TUBG1: variants seen among roughly 807,000 people sequenced by gnomAD.
TUBG1 encodes the protein tubulin gamma-1 chain.
Under a neutral mutation model 53.3 loss-of-function variants are expected in TUBG1, and 22 were observed. The ratio of observed to expected loss-of-function variants is 0.41; its 90% CI spans 0.29 to 0.59. The LOEUF (loss-of-function observed/expected upper bound fraction) is 0.59, where lower values mean the gene tolerates loss of function less well. Ranked by LOEUF, TUBG1 falls within the 20% of genes least tolerant of loss-of-function variation. The pLI, the probability that TUBG1 is intolerant of heterozygous loss-of-function variation, is 0.26. For missense variants in TUBG1, 217 were observed against 598.9 expected, an observed-to-expected ratio of 0.36 and a Z score of 6.66; for synonymous variants, 198 against 236.7, an observed-to-expected ratio of 0.84 and a Z score of 1.50.
chr17:42,612,341 TG>T (rs1435420301), intron 4 of TUBG1, 85 bp from the exon 5 acceptor site: 11 of 1,483,022 alleles, frequency 7.4e-6, no homozygotes, highest in Non-Finnish European at 9.3e-6. Flanking sequence ...CTCGGGAAAA[TG>T]GGAGTCCTAA....
rs1417130857 is a variant in TUBG1 at position 42,609,702 on chromosome 17, G to C, written c.-36G>C. 12 of 1,540,004 alleles carry C rather than the reference G, an allele frequency of 7.8e-6. No individual in the cohort carries two copies. The highest frequency in any genetic ancestry group is 1.1e-5 in the Non-Finnish European group (12 of 1,141,938). On this transcript the variant is annotated 5_prime_UTR_variant, in exon 1 of 11. Coordinates refer to ENST00000251413, the MANE Select transcript of TUBG1 (RefSeq NM_001070.5). The stretch of plus-strand genomic sequence containing the variant: ...CGGGCTGGCGTGCGGCGCCGTTGCG[G>C]GCGGGAGCGGCTGCAACGCCGGTGC...
Position 42,614,912 on chromosome 17 carries a change from C to G in TUBG1, c.1227C>G (p.Arg409=), listed in dbSNP as rs2143456923. Residue 409 remains arginine, a synonymous_variant, in exon 11 of 11, where the codon CGC becomes CGG. Coordinates refer to ENST00000251413, the MANE Select transcript of TUBG1 (RefSeq NM_001070.5). This position sits in a 1 kb window ranked among gnomAD's most constrained non-coding sequence, Gnocchi z 5.1. ...GGGAGGCCTTCCTGGAGCAGTTCCG[C>G]AAGGAGGACATGTTCAAGGACAACT... ...RKREAFLEQF[R]KEDMFKDNFD... is the part of the protein sequence containing the mutation. 1.2e-6 allele frequency: 2 copies of G among 1,614,240 alleles called. No homozygotes were observed.
rs762762808 is a variant in TUBG1 at position 42,614,303 on chromosome 17, G to A, written c.887G>A (p.Arg296Gln). The change falls in exon 9 of 11, where the codon CGG becomes CAG. Residue 296 changes from arginine to glutamine, a missense_variant. This residue lies in a region of TUBG1 where 135 missense variants were observed against 371.2 expected (regional missense o/e 0.36). Transcript: ENST00000251413. This position sits in a 1 kb window ranked among gnomAD's most constrained non-coding sequence, Gnocchi z 5.1. ...ACCACGGTCCTGGATGTCATGAGGCGGCTGCTGCAGCCCAAGAACGTGATG... is the reference window on the plus strand; with the variant it reads ...ACCACGGTCCTGGATGTCATGAGGCAGCTGCTGCAGCCCAAGAACGTGATG... ...RKTTVLDVMR[R>Q]LLQPKNVMVS... 1.2e-6 allele frequency: 2 copies of A among 1,613,938 alleles called. No homozygotes were observed. Among genetic ancestry groups the A allele is most frequent in the Non-Finnish European group, 8.5e-7 (1 of 1,179,860 alleles).
intron 5 of TUBG1, 120 bp from the exon 6 acceptor site, chr17:42,612,827 G>A (rs1369205997): frequency 5.0e-6 from 7 of 1,397,088 alleles, no homozygotes; most frequent in Admixed American, 4.2e-5. Flanking sequence ...CTTCTCTACT[G>A]ATTTGACCCC....
chr17:42,614,642 C>G lies in TUBG1; in HGVS notation c.1143C>G (p.His381Gln). The G allele has an allele frequency of 6.2e-7, 1 of 1,614,044 alleles. No homozygotes were observed. Among genetic ancestry groups the G allele is most frequent in the South Asian group, 1.1e-5 (1 of 91,068 alleles). ...TCAGCGGGCTCATGATGGCCAACCA[C>G]ACCAGCATCTCCTCGGTGAGTCTCA... Reference protein sequence around the residue: ...HRVSGLMMANHTSISSLFERT... With the variant: ...HRVSGLMMANQTSISSLFERT... Residue 381 changes from histidine to glutamine, a missense_variant, in exon 10 of 11, where the codon CAC (histidine) becomes CAG (glutamine). His to Gln is a conservative substitution (Grantham distance 24). Transcript: ENST00000251413. This position sits in a 1 kb window ranked among gnomAD's most constrained non-coding sequence, Gnocchi z 5.1.
intron 1 of TUBG1, 22 bp downstream of exon 1, chr17:42,609,808 C>T: frequency 6.5e-7 from 1 of 1,550,106 alleles, no homozygotes; most frequent in Non-Finnish European, 8.7e-7. Flanking sequence ...TCCGGCCCCT[C>T]AGCTAGCCAG....
At chr17:42,610,085 C>G in intron 1 of TUBG1, 23 bp from the exon 2 acceptor site, 1 of 1,613,774 alleles carries the variant, frequency 6.2e-7, no homozygotes, top group Non-Finnish European at 8.5e-7. Context: ...CTTCTTTCTC[C>G]CCTGCCCGCC....
intron 6 of TUBG1, among the ~76,000 whole-genome samples, chr17:42,613,397 G>C (rs1158548015): frequency 1.3e-5 from 2 of 151,878 alleles, no homozygotes; most frequent in Admixed American, 1.3e-4. Context: ...CACTCCAGCC[G>C]GGGTGACAAA....
chr17:42,613,200 A>G (rs2052049931), intron 6 of TUBG1, 127 bp downstream of exon 6: 2 of 1,429,838 alleles, frequency 1.4e-6, no homozygotes, highest in Non-Finnish European at 9.4e-7. Context: ...CTGTAATCCC[A>G]TCACTTTGGG....
chr17:42,609,917 T>C, intron 1 of TUBG1, 131 bp downstream of exon 1: 1 of 1,395,602 alleles, frequency 7.2e-7, no homozygotes, highest in Non-Finnish European at 9.7e-7. Context: ...CCTGACCCAG[T>C]GTCCACTTGC....
rs369126594 is a variant in TUBG1, at chr17:42,609,726, G to T, written c.-12G>T. 90 of 1,548,766 alleles carry T rather than the reference G, an allele frequency of 5.8e-5. No homozygotes were observed. The highest frequency in any genetic ancestry group is 1.2e-4 in the East Asian group (5 of 40,894). Reference sequence around the variant, plus strand: ...GGGCGGGAGCGGCTGCAACGCCGGTGCCTGAGGAGCGATGCCGAGGGAAAT... The same window carrying T: ...GGGCGGGAGCGGCTGCAACGCCGGTTCCTGAGGAGCGATGCCGAGGGAAAT... On this transcript the variant is annotated 5_prime_UTR_variant, in exon 1 of 11. Coordinates refer to ENST00000251413, the MANE Select transcript of TUBG1 (RefSeq NM_001070.5).
Position 42,614,488 on chromosome 17 carries a change from C to T in TUBG1, c.997-8C>T, listed in dbSNP as rs368557287. On this transcript the variant is annotated splice_region_variant and splice_polypyrimidine_tract_variant and intron_variant, in intron 9 of 10. Transcript: ENST00000251413. This position sits in a 1 kb window ranked among gnomAD's most constrained non-coding sequence, Gnocchi z 5.1. ...AGGCCACCTCCACTGCTCCTATGCC[C>T]ACCCCAGGTCCACAAGAGCTTGCAG... 118 of 1,613,774 alleles carry T rather than the reference C, an allele frequency of 7.3e-5. No individual in the cohort carries two copies. Among genetic ancestry groups the T allele is most frequent in the Non-Finnish European group, 9.5e-5 (112 of 1,179,806 alleles).
In TUBG1 at chr17:42,614,444, A is replaced by T; in HGVS notation, c.996+32A>T. The T allele has an allele frequency of 6.2e-7, 1 of 1,614,108 alleles. No individual in the cohort carries two copies. Among genetic ancestry groups the T allele is most frequent in the Non-Finnish European group, 8.5e-7 (1 of 1,179,994 alleles). On this transcript the variant is annotated intron_variant, in intron 9 of 10. Transcript: ENST00000251413. This position sits in a 1 kb window ranked among gnomAD's most constrained non-coding sequence, Gnocchi z 5.1. ...GAGGCCCCTTCATCCCACACCCTGG[A>T]CCTGCAGGGGTAGAGGAGAGGCCAC...
rs1011739090 is a variant in TUBG1 at position 42,613,948 on chromosome 17, C to T, written c.793C>T (p.Arg265Trp). The change falls in exon 8 of 11, where the codon CGG becomes TGG. Residue 265 changes from arginine to tryptophan, a missense_variant. Arg to Trp is a moderately radical substitution (Grantham distance 101, BLOSUM62 -3). Around this residue, in one of 4 missense-constraint regions of TUBG1, gnomAD observed 135 missense variants for 371.2 expected, o/e 0.36. Transcript: ENST00000251413. The stretch of plus-strand genomic sequence containing the variant: ...CATCGCCTCGCTCATTCCCACCCCA[C>T]GGCTCCACTTCCTCATGACCGGCTA... ...GLIASLIPTPRLHFLMTGYTP... is the reference protein window; with the variant it reads ...GLIASLIPTPWLHFLMTGYTP... The T allele has an allele frequency of 2.5e-6, 4 of 1,614,210 alleles. No homozygotes were observed. Among genetic ancestry groups the T allele is most frequent in the Non-Finnish European group, 3.4e-6 (4 of 1,180,046 alleles).
chr17:42,609,685 C>G lies in TUBG1; in HGVS notation c.-53C>G, dbSNP rs569425119. 6.5e-7 allele frequency: 1 copy of G among 1,527,074 alleles called. No individual in the cohort carries two copies. The allele number at this position is 1,527,074 out of a possible 1,614,324, so 94.6% of individuals were successfully genotyped here. On this transcript the variant is annotated 5_prime_UTR_variant, in exon 1 of 11. Coordinates refer to ENST00000251413, the MANE Select transcript of TUBG1 (RefSeq NM_001070.5). Reference sequence around the variant, plus strand: ...CTGCGTCTTGCGGCGAGCGGGCTGGCGTGCGGCGCCGTTGCGGGCGGGAGC... The same window carrying G: ...CTGCGTCTTGCGGCGAGCGGGCTGGGGTGCGGCGCCGTTGCGGGCGGGAGC...
At chr17:42,610,772 C>A in intron 3 of TUBG1, 182 bp downstream of exon 3, 1 of 817,002 alleles carries the variant, frequency 1.2e-6, no homozygotes, top group Non-Finnish European at 1.9e-6. Flanking sequence ...TGTGCCAGGT[C>A]ATTCTAAGTG....
intron 1 of TUBG1, 63 bp from the exon 2 acceptor site, chr17:42,610,045 C>T: frequency 3.8e-6 from 6 of 1,589,778 alleles, no homozygotes; most frequent in South Asian, 1.1e-5. Flanking sequence ...TCCCCCGGCT[C>T]CTGATTGGAA....
chr17:42,614,522 G>C lies in TUBG1; in HGVS notation c.1023G>C (p.Arg341=), dbSNP rs2052061517. Residue 341 remains arginine (R), a synonymous_variant, in exon 10 of 11, where the codon CGG becomes CGC. Coordinates refer to ENST00000251413, the MANE Select transcript of TUBG1 (RefSeq NM_001070.5). This position sits in a 1 kb window ranked among gnomAD's most constrained non-coding sequence, Gnocchi z 5.1. The part of the protein sequence containing the change: ...TQVHKSLQRI[R]ERKLANFIPW... The stretch of plus-strand genomic sequence containing the variant: ...TCCACAAGAGCTTGCAGAGGATCCG[G>C]GAACGCAAGTTGGCCAACTTCATCC... The C allele has an allele frequency of 6.2e-7, 1 of 1,613,020 alleles. No individual in the cohort carries two copies. The highest frequency in any genetic ancestry group is 1.7e-5 in the Admixed American group (1 of 59,962).
In TUBG1 at chr17:42,614,082, C is replaced by T; in HGVS notation, c.843+84C>T. The T allele has an allele frequency of 1.2e-6, 2 of 1,601,270 alleles. No individual in the cohort carries two copies. Among genetic ancestry groups the T allele is most frequent in the South Asian group, 2.2e-5 (2 of 89,324 alleles). The stretch of plus-strand genomic sequence containing the variant: ...CTAGCCTTTCTCTCTTCCCCACTGC[C>T]CCAGGAGCTACCCTTTGTGGACCCC... On this transcript the variant is annotated intron_variant, in intron 8 of 10. Transcript: ENST00000251413. The surrounding 1 kb of genome is among the most constrained non-coding windows in gnomAD (Gnocchi z 5.1).
Sources: gnomAD v4.1 joint callset for allele counts (sites outside exome capture counted in the v4.1 genomes callset) on GRCh38, gnomAD v4.1.1 for gene constraint, gnomAD v4.1.1 regional missense constraint, Gnocchi (gnomAD v3.1) non-coding constraint, MANE v1.5 for transcripts, NCBI Gene and HGNC (gene_info 2026-07-23, HGNC 2026-07-21) for gene names.